Variants in SPMIP9 observed in about 807,000 individuals in gnomAD.
SPMIP9 encodes the protein protein SPMIP9.
chr2:88,527,378 C>T, the SPMIP9 span, among the ~76,000 whole-genome samples: 1 of 152,254 alleles, frequency 6.6e-6, no homozygotes, highest in African/African-American at 2.4e-5. Flanking sequence ...CTTGTATTTT[C>T]AGCTGCGTGG....
At chr2:88,529,016 C>T in the SPMIP9 span, 1 of 1,581,326 alleles carries the variant, frequency 6.3e-7, no homozygotes, top group African/African-American at 1.3e-5. Flanking sequence ...TCTTGTCTCT[C>T]TCACCCCTCC....
the SPMIP9 span, chr2:88,526,518 T>C: frequency 6.3e-6 from 10 of 1,578,914 alleles, no homozygotes; most frequent in East Asian, 8.9e-5. Flanking sequence ...ACGCAAGTCC[T>C]GTCATTCAAT....
At chr2:88,526,506 G>A in the SPMIP9 span, 10 of 1,608,108 alleles carry the variant, frequency 6.2e-6, no homozygotes, top group Middle Eastern at 1.6e-4. Flanking sequence ...AGGTAGGAAG[G>A]CACGCAAGTC....
chr2:88,529,337 G>T, the SPMIP9 span: 1 of 1,614,142 alleles, frequency 6.2e-7, no homozygotes, highest in Admixed American at 1.7e-5. Flanking sequence ...TCCGTGCCTC[G>T]TGGATCCCAA....
chr2:88,525,036 C>G, the SPMIP9 span, among the ~76,000 whole-genome samples: 1 of 152,146 alleles, frequency 6.6e-6, no homozygotes, highest in East Asian at 1.9e-4. Flanking sequence ...CAGAGTCTTG[C>G]AACTTTCTTC....
At chr2:88,528,138 CTT>C in the SPMIP9 span, among the ~76,000 whole-genome samples, 1,107 of 135,464 alleles carry the variant, frequency 8.2e-3, 17 homozygotes, top group African/African-American at 0.027. Flanking sequence ...AGCATTTTCC[CTT>C]TTTTTTTTTT....
At chr2:88,526,805 A>G in the SPMIP9 span, among the ~76,000 whole-genome samples, 1 of 151,920 alleles carries the variant, frequency 6.6e-6, no homozygotes, top group Non-Finnish European at 1.5e-5. Context: ...AGTAGCTGGG[A>G]TTACAGGTGC....
chr2:88,525,340 T>G, the SPMIP9 span, among the ~76,000 whole-genome samples: 2 of 152,200 alleles, frequency 1.3e-5, no homozygotes, highest in African/African-American at 4.8e-5. Context: ...TACCAGCACT[T>G]CACTTGCCCT....
chr2:88,525,161 T>A, the SPMIP9 span, among the ~76,000 whole-genome samples: 1 of 152,170 alleles, frequency 6.6e-6, no homozygotes, highest in Non-Finnish European at 1.5e-5. Flanking sequence ...TGGAGCCAGT[T>A]CATACTGGCT....
chr2:88,528,126 T>A, the SPMIP9 span, among the ~76,000 whole-genome samples: 3 of 151,316 alleles, frequency 2.0e-5, no homozygotes, highest in African/African-American at 7.3e-5. Flanking sequence ...AAAAATATTC[T>A]AAGCATTTTC....
At chr2:88,529,324 C>T in the SPMIP9 span, 38 of 1,614,178 alleles carry the variant, frequency 2.4e-5, no homozygotes, top group East Asian at 7.4e-4. Context: ...AGAGTGCTGA[C>T]TTTCCGTGCC....
chr2:88,525,762 T>A, the SPMIP9 span: 3 of 1,322,598 alleles, frequency 2.3e-6, no homozygotes, highest in Non-Finnish European at 3.2e-6. Flanking sequence ...TTCTAGAAGC[T>A]CATCTTTCTG....
chr2:88,526,528 T>A, the SPMIP9 span: 1 of 1,520,318 alleles, frequency 6.6e-7, no homozygotes, highest in Middle Eastern at 1.7e-4. Context: ...TGTCATTCAA[T>A]CAACTGCCTA....
the SPMIP9 span, among the ~76,000 whole-genome samples, chr2:88,526,733 C>T: frequency 0.17 from 25,669 of 151,914 alleles, 2,319 homozygotes; most frequent in Middle Eastern, 0.36. Context: ...GGCGCGATCT[C>T]GGCTCACTAC....
At chr2:88,525,097 G>A in the SPMIP9 span, among the ~76,000 whole-genome samples, 1 of 152,108 alleles carries the variant, frequency 6.6e-6, no homozygotes, top group Non-Finnish European at 1.5e-5. Flanking sequence ...CTAGGCCTGG[G>A]CCTTCCTCTA....
the SPMIP9 span, chr2:88,525,598 G>A: frequency 1.1e-5 from 18 of 1,613,570 alleles, no homozygotes; most frequent in Middle Eastern, 1.7e-4. Flanking sequence ...TTCCTTGTCT[G>A]TGGCAGAGCA....
At chr2:88,525,521 G>A in the SPMIP9 span, 2 of 1,057,324 alleles carry the variant, frequency 1.9e-6, no homozygotes, top group Non-Finnish European at 3.0e-6. Flanking sequence ...GGGAAGATGG[G>A]GAGGAGTGGG....
the SPMIP9 span, chr2:88,525,507 C>A: frequency 1.1e-6 from 1 of 938,006 alleles, no homozygotes; most frequent in Non-Finnish European, 1.8e-6. Flanking sequence ...AGGGTAGGAG[C>A]CCAGGGAAGA....
At chr2:88,529,274 G>C in the SPMIP9 span, 1 of 1,613,976 alleles carries the variant, frequency 6.2e-7, no homozygotes, top group East Asian at 2.2e-5. Flanking sequence ...AGCTTCCCAC[G>C]ATCTGCACCT....
Sources: gnomAD v4.1 joint callset for allele counts (sites outside exome capture counted in the v4.1 genomes callset) on GRCh38, gnomAD v4.1.1 for gene constraint, MANE v1.5 for transcripts, NCBI Gene and HGNC (gene_info 2026-07-23, HGNC 2026-07-21) for gene names.